Variants in CDC42BPA observed in about 807,000 individuals in gnomAD.
CDC42BPA encodes serine/threonine-protein kinase MRCK alpha.
CDC42BPA carries 80 observed loss-of-function variants against 223.5 expected under a neutral mutation model. The ratio of observed to expected loss-of-function variants is 0.36; its 90% CI spans 0.30 to 0.43. The LOEUF is 0.43. Among genes scored for constraint, CDC42BPA ranks in the 20% least tolerant of loss-of-function variants. The pLI, the probability that CDC42BPA is intolerant of heterozygous loss-of-function variation, is 1.00. For missense variants in CDC42BPA, 1,743 were observed against 2,099.9 expected, an observed-to-expected ratio of 0.83 and a Z score of 3.32; for synonymous variants, 694 against 718.6, an observed-to-expected ratio of 0.97 and a Z score of 0.55.
intron 3 of CDC42BPA, among the ~76,000 whole-genome samples, chr1:227,208,716 T>A (rs1673296833): frequency 6.6e-6 from 1 of 151,868 alleles, no homozygotes; most frequent in South Asian, 2.1e-4. Flanking sequence ...CTGATCTATA[T>A]CTCTGTTTTG....
At chr1:227,127,777 G>A (rs1656144197) in intron 11 of CDC42BPA, among the ~76,000 whole-genome samples, 1 of 152,094 alleles carries the variant, frequency 6.6e-6, no homozygotes, top group Non-Finnish European at 1.5e-5. Context: ...CATAAATTAT[G>A]CTCAAAACTA....
intron 1 of CDC42BPA, among the ~76,000 whole-genome samples, chr1:227,299,163 T>C (rs1691217407): frequency 6.6e-6 from 1 of 152,166 alleles, no homozygotes. Context: ...GGAAAGAAAA[T>C]GAAACTTGAC....
chr1:227,034,390 C>A (rs1413453725), intron 26 of CDC42BPA, among the ~76,000 whole-genome samples: 1 of 152,222 alleles, frequency 6.6e-6, no homozygotes, highest in East Asian at 1.9e-4. Flanking sequence ...TGGTAGGCCT[C>A]CATTACCCCA....
At chr1:227,110,917 C>A (rs1366180157) in intron 14 of CDC42BPA, among the ~76,000 whole-genome samples, 5 of 152,186 alleles carry the variant, frequency 3.3e-5, no homozygotes, top group Admixed American at 6.5e-5. Flanking sequence ...TAAGCTCTGA[C>A]CAATTCTACC....
At chr1:227,025,523 C>T (rs181356231) in intron 31 of CDC42BPA, among the ~76,000 whole-genome samples, 33 of 152,060 alleles carry the variant, frequency 2.2e-4, no homozygotes, top group African/African-American at 7.5e-4. Flanking sequence ...ACTAGCAGTT[C>T]TATAATTGTA....
chr1:227,168,897 C>T (rs73088658), intron 5 of CDC42BPA, among the ~76,000 whole-genome samples: 23,903 of 151,870 alleles, frequency 0.16, 2,327 homozygotes, highest in African/African-American at 0.26. Flanking sequence ...ATTCTCTTTC[C>T]TCTCCTTCTT....
At chr1:227,030,213 G>C (rs1331315566) in intron 29 of CDC42BPA, among the ~76,000 whole-genome samples, 195 bp downstream of exon 29, 4 of 151,718 alleles carry the variant, frequency 2.6e-5, no homozygotes, top group Non-Finnish European at 2.9e-5. Context: ...ATACATATTT[G>C]AAGTTTTAAA....
At chr1:227,252,076 G>A (rs1682111165) in intron 2 of CDC42BPA, among the ~76,000 whole-genome samples, 1 of 151,876 alleles carries the variant, frequency 6.6e-6, no homozygotes. Context: ...TTAAACACAG[G>A]TTTGAAAAGA....
At chr1:227,040,013 T>A (rs1038494866) in intron 24 of CDC42BPA, 118 bp downstream of exon 24, 2 of 702,424 alleles carry the variant, frequency 2.8e-6, no homozygotes, top group African/African-American at 3.6e-5. Context: ...CCATTCCTGT[T>A]ATGCAAAAAA....
chr1:227,179,125 C>G (rs1361950106), intron 5 of CDC42BPA, among the ~76,000 whole-genome samples: 1 of 152,070 alleles, frequency 6.6e-6, no homozygotes, highest in African/African-American at 2.4e-5. Flanking sequence ...CTGGAATAGG[C>G]AAATCTACAG....
At chr1:227,015,950 T>C in intron 34 of CDC42BPA, 130 bp downstream of exon 34, 1 of 644,280 alleles carries the variant, frequency 1.6e-6, no homozygotes, top group African/African-American at 1.8e-5. Flanking sequence ...AGACATATTG[T>C]GGTATACTGA....
Position 227,317,511 on chromosome 1 carries a change from T to TAAA in CDC42BPA, c.-332_-330dup, listed in dbSNP as rs35451914. On this transcript the variant is annotated 5_prime_UTR_variant, in exon 1 of 37. An upstream open reading frame in the 5' UTR loses its in-frame stop. Coordinates refer to ENST00000366766, the MANE Select transcript of CDC42BPA (RefSeq NM_001394014.1). ...ACGAACTAGAGAGTCAACACTTCTT[T>TAAA]AAAAAAAAAAAAAAAAACTCTTCTC... is the stretch of plus-strand genomic sequence containing the variant. 1.1e-4 allele frequency: 43 copies of TAAA among 380,226 alleles called. No homozygotes were observed. The highest frequency in any genetic ancestry group is 1.4e-4 in the Non-Finnish European group (30 of 217,958). 23.6% of individuals were successfully genotyped at this position (380,226 alleles called of 1,614,324 possible).
intron 24 of CDC42BPA, among the ~76,000 whole-genome samples, chr1:227,036,631 G>A (rs1239510859): frequency 1.3e-5 from 2 of 151,888 alleles, no homozygotes; most frequent in African/African-American, 2.4e-5. Context: ...GGGTTTCACC[G>A]TGTTAGCCAG....
At chr1:227,141,263 TA>T (rs902992059) in intron 9 of CDC42BPA, among the ~76,000 whole-genome samples, 116 of 152,248 alleles carry the variant, frequency 7.6e-4, no homozygotes, top group African/African-American at 2.7e-3. Context: ...ACAGTTGAAG[TA>T]AATTTTCTAT....
At chr1:227,019,678 T>G (rs1194212260) in intron 32 of CDC42BPA, among the ~76,000 whole-genome samples, 1 of 125,342 alleles carries the variant, frequency 8.0e-6, no homozygotes, top group Non-Finnish European at 1.9e-5. Context: ...TTAGCAGACG[T>G]GAAAATATCA....
intron 5 of CDC42BPA, among the ~76,000 whole-genome samples, chr1:227,179,364 T>C (rs1667506725): frequency 1.3e-5 from 2 of 152,192 alleles, no homozygotes; most frequent in South Asian, 4.2e-4. Flanking sequence ...AGGCCGGGCA[T>C]GGTGGCTCAC....
intron 16 of CDC42BPA, among the ~76,000 whole-genome samples, chr1:227,082,896 C>T (rs1681013733): frequency 6.6e-6 from 1 of 151,832 alleles, no homozygotes; most frequent in African/African-American, 2.4e-5. Context: ...TTTAATTTTT[C>T]TGTTGGGAGG....
At chr1:227,008,941 C>A (rs1005336313) in intron 34 of CDC42BPA, among the ~76,000 whole-genome samples, 9 of 152,020 alleles carry the variant, frequency 5.9e-5, no homozygotes, top group Non-Finnish European at 1.3e-4. Context: ...GACACATATA[C>A]AAGAGCAACC....
intron 11 of CDC42BPA, among the ~76,000 whole-genome samples, chr1:227,128,817 C>G (rs997619319): frequency 6.6e-6 from 1 of 152,142 alleles, no homozygotes; most frequent in African/African-American, 2.4e-5. Flanking sequence ...CCAAAAAAGC[C>G]ATCCTTGTTC....
Sources: allele counts gnomAD v4.1 joint callset (sites outside exome capture counted in the v4.1 genomes callset), GRCh38; gene constraint gnomAD v4.1.1; transcripts MANE v1.5; gene names NCBI Gene and HGNC (gene_info 2026-07-23, HGNC 2026-07-21).